The following CD200 variants were observed in gnomAD, a reference collection of about 807,000 sequenced individuals.
CD200 encodes CD200 molecule, also known as OX-2 membrane glycoprotein.
In CD200, 15 loss-of-function variants were observed where a neutral mutation model predicts 30.9. That is an observed-to-expected ratio of 0.49 (90% CI 0.32 to 0.75). The LOEUF (loss-of-function observed/expected upper bound fraction) is 0.75. CD200 is among the 30% of genes least tolerant of loss of function. The pLI, the probability that CD200 is intolerant of heterozygous loss-of-function variation, is 0.03. For missense variants in CD200, 262 were observed against 324.2 expected (o/e 0.81, Z 1.47); for synonymous variants, 134 against 126.2 (o/e 1.06, Z -0.41).
intron 1 of CD200, chr3:112,333,967 G>A (rs1475083741): frequency 2.0e-6 from 2 of 985,202 alleles, no homozygotes; most frequent in East Asian, 2.3e-4. Flanking sequence ...AATGGTATTG[G>A]TATAAGAATC....
Position 112,347,686 on chromosome 3 carries a change from G to A in CD200, c.550G>A (p.Val184Met). The A allele has an allele frequency of 3.1e-6, 5 of 1,614,062 alleles. No individual in the cohort carries two copies. ...VPRSGIENSTVTLSHPNGTTS... is the reference protein window; with the variant it reads ...VPRSGIENSTMTLSHPNGTTS... ...TCGGTCAGGGATTGAAAATAGTACA[G>A]TGACTCTGTCTCACCCAAATGGGAC... The change falls in exon 4 of 6, where the codon GTG (valine) becomes ATG (methionine). Residue 184 changes from valine (V) to methionine (M), a missense_variant. Physicochemically the swap from Val to Met is conservative, Grantham distance 21. Transcript: ENST00000315711.
rs200134698 is a variant in CD200 at position 112,345,324 on chromosome 3, A to G, written c.421+36A>G. ...CTGAGAATCATTGTCTGTGTCTGGA[A>G]ATACTATTTGCAAGAATGTTTGGAA... On this transcript the variant is annotated intron_variant, in intron 3 of 5. Coordinates refer to ENST00000315711, the MANE Select transcript of CD200 (RefSeq NM_005944.7). 117 of 1,537,512 alleles carry G rather than the reference A, an allele frequency of 7.6e-5. 3 individuals are homozygous for G. In the Middle Eastern group the frequency reaches 4.1e-3, roughly 54 times the overall value.
At chr3:112,334,550 A>T (rs1468869227) in intron 1 of CD200, among the ~76,000 whole-genome samples, 4 of 152,140 alleles carry the variant, frequency 2.6e-5, no homozygotes, top group Non-Finnish European at 5.9e-5. Context: ...GTATTCTAGG[A>T]GCTTTATATA....
At chr3:112,338,718 A>G (rs184776309) in intron 1 of CD200, among the ~76,000 whole-genome samples, 4 of 152,164 alleles carry the variant, frequency 2.6e-5, no homozygotes, top group African/African-American at 4.8e-5. Context: ...TTGCAGGGCA[A>G]TGAAGCAGGG....
intron 2 of CD200, among the ~76,000 whole-genome samples, chr3:112,343,219 A>AT (rs2081308388): frequency 6.6e-6 from 1 of 151,900 alleles, no homozygotes; most frequent in African/African-American, 2.4e-5. Context: ...ACATACATAT[A>AT]AAGTATATAG....
chr3:112,335,811 T>C, intron 1 of CD200: 1 of 734,270 alleles, frequency 1.4e-6, no homozygotes, highest in Non-Finnish European at 2.5e-6. Context: ...AACATGATCT[T>C]GGGTCTTCAC....
intron 1 of CD200, among the ~76,000 whole-genome samples, chr3:112,337,469 G>A (rs951592702): frequency 1.1e-4 from 17 of 152,118 alleles, no homozygotes; most frequent in Non-Finnish European, 2.4e-4. Flanking sequence ...CTGGCAGGGA[G>A]GGGATACATA....
At chr3:112,348,013 T>G (rs2081440897) in intron 4 of CD200, among the ~76,000 whole-genome samples, 183 bp downstream of exon 4, 1 of 152,216 alleles carries the variant, frequency 6.6e-6, no homozygotes, top group Non-Finnish European at 1.5e-5. Context: ...AGTTTTACTT[T>G]CATAAATGTG....
At chr3:112,346,436 T>C (rs1447105521) in intron 3 of CD200, among the ~76,000 whole-genome samples, 1 of 152,168 alleles carries the variant, frequency 6.6e-6, no homozygotes, top group Non-Finnish European at 1.5e-5. Context: ...CAGATGTCTC[T>C]GAGCTTTAAA....
At chr3:112,342,402 T>C (rs1287227241) in intron 2 of CD200, among the ~76,000 whole-genome samples, 31 of 69,300 alleles carry the variant, frequency 4.5e-4, no homozygotes, top group African/African-American at 8.9e-4. Context: ...TCTTTCTTTC[T>C]TTCTTTCTTT....
intron 1 of CD200, among the ~76,000 whole-genome samples, chr3:112,336,387 C>T (rs2081117937): frequency 6.6e-6 from 1 of 151,802 alleles, no homozygotes; most frequent in Admixed American, 6.6e-5. Flanking sequence ...AAGGCCATCA[C>T]AAGACAATAA....
Position 112,353,825 on chromosome 3 carries a change from T to C in CD200, c.802+4006T>C, listed in dbSNP as rs78605957. 3.7e-3 allele frequency among the ~76,000 whole-genome samples: 568 copies of C among 152,336 alleles called. 2 individuals carry two copies. The highest frequency in any genetic ancestry group is 0.013 in the African/African-American group (539 of 41,580). On this transcript the variant is annotated intron_variant, in intron 5 of 5. Coordinates refer to ENST00000315711, the MANE Select transcript of CD200 (RefSeq NM_005944.7). Reference sequence around the variant, plus strand: ...CTTTGCTTTGCTCAAAAAGTACTTATGCTTCCCTGACAGAGGCTGGATGAA... The same window carrying C: ...CTTTGCTTTGCTCAAAAAGTACTTACGCTTCCCTGACAGAGGCTGGATGAA...
intron 1 of CD200, among the ~76,000 whole-genome samples, chr3:112,337,350 C>G (rs2081140558): frequency 6.6e-6 from 1 of 152,068 alleles, no homozygotes; most frequent in Admixed American, 6.6e-5. Context: ...AAAGTAAGAC[C>G]TTACATAAAT....
At chr3:112,346,655 C>T (rs905590245) in intron 3 of CD200, among the ~76,000 whole-genome samples, 1 of 152,218 alleles carries the variant, frequency 6.6e-6, no homozygotes, top group Non-Finnish European at 1.5e-5. Context: ...CCCTACTTCC[C>T]CAACCCAGTG....
chr3:112,343,005 G>A (rs368246670), intron 2 of CD200, among the ~76,000 whole-genome samples: 27 of 151,928 alleles, frequency 1.8e-4, no homozygotes, highest in African/African-American at 4.1e-4. Context: ...GTGTGTGTGC[G>A]TCTTATGATA....
At position 112,353,980 on chromosome 3, in the gene CD200, A is replaced by G. The variant is rs78819080; in HGVS notation, c.802+4161A>G. 1.0e-3 allele frequency among the ~76,000 whole-genome samples: 152 copies of G among 152,290 alleles called. 2 individuals are homozygous for G. In the East Asian group the frequency reaches 0.017, roughly 17 times the overall value. On this transcript the variant is annotated intron_variant, in intron 5 of 5. Transcript: ENST00000315711. ...TTAGTATTGCTGGGAGAAATCTTGAATTCCAGGGCTATTTTTCCGCAAAAA... is the reference window on the plus strand; with the variant it reads ...TTAGTATTGCTGGGAGAAATCTTGAGTTCCAGGGCTATTTTTCCGCAAAAA...
intron 5 of CD200, among the ~76,000 whole-genome samples, chr3:112,351,737 G>A (rs1320170976): frequency 2.0e-5 from 3 of 152,122 alleles, no homozygotes; most frequent in Non-Finnish European, 4.4e-5. Context: ...AGTTACCTGA[G>A]GCTGGGTAAT....
intron 5 of CD200, among the ~76,000 whole-genome samples, chr3:112,354,837 C>G (rs1014085540): frequency 2.6e-5 from 4 of 152,114 alleles, no homozygotes; most frequent in Non-Finnish European, 5.9e-5. Context: ...CCCTCTCTCT[C>G]TTTTCCTGCT....
chr3:112,350,876 T>G (rs990597623), intron 5 of CD200, among the ~76,000 whole-genome samples: 6 of 152,224 alleles, frequency 3.9e-5, no homozygotes, highest in Non-Finnish European at 7.3e-5. Context: ...CACTTTATTT[T>G]GCATAATCCT....
Sources: gnomAD v4.1 joint callset for allele counts (sites outside exome capture counted in the v4.1 genomes callset) on GRCh38, gnomAD v4.1.1 for gene constraint, MANE v1.5 for transcripts, NCBI Gene and HGNC (gene_info 2026-07-23, HGNC 2026-07-21) for gene names.